PLEKHG2: variants seen among roughly 807,000 people sequenced by gnomAD.
The protein encoded by PLEKHG2 is pleckstrin homology domain-containing family G member 2.
PLEKHG2 carries 71 observed loss-of-function variants against 104.4 expected under a neutral mutation model. The observed-to-expected ratio is 0.68, with a 90% CI of 0.56 to 0.83. PLEKHG2 has a LOEUF of 0.83. Ranked by LOEUF, PLEKHG2 falls within the 40% of genes least tolerant of loss-of-function variation. The probability of loss-of-function intolerance (pLI) is 0.00; values close to 1 mark genes in which losing one functional copy is unlikely to be tolerated. For missense variants in PLEKHG2, 1,730 were observed against 1,809.4 expected, an observed-to-expected ratio of 0.96 and a Z score of 0.80; for synonymous variants, 728 against 737.0, an observed-to-expected ratio of 0.99 and a Z score of 0.20.
In PLEKHG2 at chr19:39,425,395, C is replaced by G; in HGVS notation, c.*101C>G. On this transcript the variant is annotated 3_prime_UTR_variant, in exon 19 of 19. Transcript: ENST00000425673. ...CAGACACTGAACGCAGGCCTCAAAA[C>G]TGCTGCGGCCTTCCAACTCCTGGTA... 6.8e-7 allele frequency: 1 copy of G among 1,467,548 alleles called. No individual in the cohort carries two copies. The highest frequency in any genetic ancestry group is 9.0e-7 in the Non-Finnish European group (1 of 1,111,648). The allele number at this position is 1,467,548 out of a possible 1,614,324, so 90.9% of individuals were successfully genotyped here.
rs757192619 is a variant in PLEKHG2, at chr19:39,418,060, G to A, written c.1038G>A (p.Val346=). 6.5e-7 allele frequency: 1 copy of A among 1,544,964 alleles called. No individual in the cohort carries two copies. Among genetic ancestry groups the A allele is most frequent in the East Asian group, 2.3e-5 (1 of 44,102 alleles). ...TCCTGTTCTCTCGGATGCTGCTGGT[G>A]GCCAAGCGCAGGGGGCTGGAGTACA... is the stretch of plus-strand genomic sequence containing the variant. ...LLFLFSRMLL[V]AKRRGLEYTY... is the part of the protein sequence containing the mutation. The change falls in exon 9 of 19, where the codon GTG becomes GTA. Residue 346 remains valine (V), a synonymous_variant. Transcript: ENST00000425673.
In PLEKHG2 at chr19:39,426,248, C is replaced by T. The variant is rs539766598; in HGVS notation, c.*954C>T. On this transcript the variant is annotated 3_prime_UTR_variant, in exon 19 of 19. Transcript: ENST00000425673. ...GTCTGTCCCACATCTGTCTGATTTC[C>T]CTTGGCATCCTTCCCGTCAGTTCCT... 6.6e-6 allele frequency: 1 copy of T among 152,408 alleles called. No individual in the cohort carries two copies. Among genetic ancestry groups the T allele is most frequent in the Admixed American group, 6.5e-5 (1 of 15,284 alleles). The allele number at this position is 152,408 out of a possible 1,614,324, so 9.4% of individuals were successfully genotyped here. A position where few individuals can be genotyped will look rare whatever the true frequency, so the allele number is the denominator to read the frequency against.
chr19:39,417,806 G>A, intron 8 of PLEKHG2, 99 bp from the exon 9 acceptor site: 1 of 1,500,070 alleles, frequency 6.7e-7, no homozygotes, highest in Admixed American at 2.1e-5. Context: ...GGCTGGGACA[G>A]CATGGCCCTG....
At position 39,423,317 on chromosome 19, in the gene PLEKHG2, T is replaced by G. The variant is rs2078729219; in HGVS notation, c.2263T>G (p.Phe755Val). The change falls in exon 18 of 19, where the codon TTC (phenylalanine) becomes GTC (valine). Residue 755 changes from phenylalanine (F) to valine (V), a missense_variant. Physicochemically the swap from Phe to Val is conservative, Grantham distance 50. Coordinates refer to ENST00000425673, the MANE Select transcript of PLEKHG2 (RefSeq NM_022835.3). Reference protein sequence around the residue: ...QPQDVTQHQGFPDELAFRSCS... With the variant: ...QPQDVTQHQGVPDELAFRSCS... Reference sequence around the variant, plus strand: ...CCAGGATGTCACCCAACATCAGGGATTCCCAGATGAGCTGGCATTCCGCTC... The same window carrying G: ...CCAGGATGTCACCCAACATCAGGGAGTCCCAGATGAGCTGGCATTCCGCTC... 2.5e-6 allele frequency: 4 copies of G among 1,614,058 alleles called. No homozygotes were observed. The highest frequency in any genetic ancestry group is 3.4e-6 in the Non-Finnish European group (4 of 1,179,894).
At position 39,421,076 on chromosome 19, in the gene PLEKHG2, G is replaced by A. The variant is rs774417385; in HGVS notation, c.1449G>A (p.Glu483=). 2 of 1,613,958 alleles carry A rather than the reference G, an allele frequency of 1.2e-6. No individual in the cohort carries two copies. The highest frequency in any genetic ancestry group is 3.3e-5 in the Admixed American group (2 of 60,006). The change falls in exon 15 of 19, where the codon GAG becomes GAA. Residue 483 remains glutamate (E), a splice_region_variant and synonymous_variant. Transcript: ENST00000425673. ...GACATCACTGTGTCCTCCCCGCAGAGCCGGTGAAGGACCCTTATGTCATGT... is the reference window on the plus strand; with the variant it reads ...GACATCACTGTGTCCTCCCCGCAGAACCGGTGAAGGACCCTTATGTCATGT... ...SVIRRGRRQS[E]PVKDPYVMFP...
rs1466547956 is a variant in PLEKHG2, at chr19:39,415,236, C to T, written c.354C>T (p.Val118=). The T allele has an allele frequency of 6.3e-7, 1 of 1,586,346 alleles. No homozygotes were observed. Among genetic ancestry groups the T allele is most frequent in the African/African-American group, 1.3e-5 (1 of 74,208 alleles). Reference sequence around the variant, plus strand: ...TCGTGGAGACAGAACGGGCCTATGTCAGGGACCTCCGCAGCATCGTGGAGG... The same window carrying T: ...TCGTGGAGACAGAACGGGCCTATGTTAGGGACCTCCGCAGCATCGTGGAGG... ...REIVETERAY[V]RDLRSIVEDY... is the part of the protein sequence containing the mutation. Residue 118 remains valine, a synonymous_variant, in exon 3 of 19, where the codon GTC becomes GTT. Coordinates refer to ENST00000425673, the MANE Select transcript of PLEKHG2 (RefSeq NM_022835.3). The surrounding 1 kb of genome is among the most constrained non-coding windows in gnomAD (Gnocchi z 4.6).
rs1228534819 is a variant in PLEKHG2 at position 39,427,263 on chromosome 19, G to T, written c.*1969G>T. The T allele has an allele frequency of 6.6e-6, 1 of 151,708 alleles. No individual in the cohort carries two copies. The highest frequency in any genetic ancestry group is 6.6e-5 in the Admixed American group (1 of 15,196). The allele number at this position is 151,708 out of a possible 1,614,324, so 9.4% of individuals were successfully genotyped here. On this transcript the variant is annotated 3_prime_UTR_variant, in exon 19 of 19. Transcript: ENST00000425673. The stretch of plus-strand genomic sequence containing the variant: ...AGGATGGTCTCGATCTCCTGACCTC[G>T]TGATCCTCCCGCCTCGGCCTCCCAA...
In PLEKHG2 at chr19:39,419,770, G is replaced by A. The variant is rs1045553707; in HGVS notation, c.1263+767G>A. The stretch of plus-strand genomic sequence containing the variant: ...CAGGTGCCCGTAGTCCCAGCTACTC[G>A]GGAGGCTGAGGCAGGAGAATGGCGT... On this transcript the variant is annotated intron_variant, in intron 11 of 18. Coordinates refer to ENST00000425673, the MANE Select transcript of PLEKHG2 (RefSeq NM_022835.3). Among the ~76,000 whole-genome samples, 14 of 152,170 alleles carry A rather than the reference G, an allele frequency of 9.2e-5. No individual in the cohort carries two copies. The East Asian group carries it at 1.7e-3, about 19-fold the overall frequency.
In PLEKHG2 at chr19:39,421,116, C is replaced by G; in HGVS notation, c.1486+3C>G. The G allele has an allele frequency of 6.2e-7, 1 of 1,614,038 alleles. No homozygotes were observed. The highest frequency in any genetic ancestry group is 8.5e-7 in the Non-Finnish European group (1 of 1,180,028). Reference sequence around the variant, plus strand: ...TTATGTCATGTTCCCACAGAACGGTCAGTGACTGCCCCGGTTCAGCCTGGT... The same window carrying G: ...TTATGTCATGTTCCCACAGAACGGTGAGTGACTGCCCCGGTTCAGCCTGGT... On this transcript the variant is annotated splice_donor_region_variant and intron_variant, in intron 15 of 18. Coordinates refer to ENST00000425673, the MANE Select transcript of PLEKHG2 (RefSeq NM_022835.3).
In PLEKHG2 at chr19:39,424,619, T is replaced by G; in HGVS notation, c.3486T>G (p.Thr1162=). The G allele has an allele frequency of 6.2e-7, 1 of 1,614,002 alleles. No homozygotes were observed. Among genetic ancestry groups the G allele is most frequent in the Non-Finnish European group, 8.5e-7 (1 of 1,179,980 alleles). The change falls in exon 19 of 19, where the codon ACT becomes ACG. Residue 1162 remains threonine, a synonymous_variant. Coordinates refer to ENST00000425673, the MANE Select transcript of PLEKHG2 (RefSeq NM_022835.3). ...LTDIWVQALP[T]SPKQGSLPDI... ...ACATCTGGGTCCAAGCCCTCCCAAC[T>G]TCACCCAAGCAGGGAAGCCTCCCAG...
rs147117173 is a variant in PLEKHG2 at position 39,415,872 on chromosome 19, AC to A, written c.479+438del. Among the ~76,000 whole-genome samples, 67 of 152,132 alleles carry A rather than the reference AC, an allele frequency of 4.4e-4. 1 individual carries two copies. In the East Asian group the frequency reaches 0.011, roughly 26 times the overall value. ...CCGAGACAGCGTGAGCATGCGAGTG[AC>A]CCCCTAAGCCTGATTTGCCTGGGAC... On this transcript the variant is annotated intron_variant, in intron 4 of 18. Coordinates refer to ENST00000425673, the MANE Select transcript of PLEKHG2 (RefSeq NM_022835.3). This position sits in a 1 kb window ranked among gnomAD's most constrained non-coding sequence, Gnocchi z 4.6.
At position 39,422,098 on chromosome 19, in the gene PLEKHG2, G is replaced by T; in HGVS notation, c.1504-17G>T. On this transcript the variant is annotated splice_polypyrimidine_tract_variant and intron_variant, in intron 16 of 18. Coordinates refer to ENST00000425673, the MANE Select transcript of PLEKHG2 (RefSeq NM_022835.3). Reference sequence around the variant, plus strand: ...GGAGTCTTGGCTCTTGCCTTCCATTGCTTTCCCTCCTCACAGCACGCTGGC... The same window carrying T: ...GGAGTCTTGGCTCTTGCCTTCCATTTCTTTCCCTCCTCACAGCACGCTGGC... 1 of 1,597,454 alleles carries T rather than the reference G, an allele frequency of 6.3e-7. No individual in the cohort carries two copies. The highest frequency in any genetic ancestry group is 8.5e-7 in the Non-Finnish European group (1 of 1,171,992).
At position 39,428,302 on chromosome 19, in the gene PLEKHG2, C is replaced by G. The variant is rs1292544827; in HGVS notation, c.*3008C>G. 6.6e-6 allele frequency: 1 copy of G among 152,288 alleles called. No homozygotes were observed. The highest frequency in any genetic ancestry group is 2.4e-5 in the African/African-American group (1 of 41,454). 9.4% of individuals were successfully genotyped at this position (152,288 alleles called of 1,614,324 possible). On this transcript the variant is annotated 3_prime_UTR_variant, in exon 19 of 19. Coordinates refer to ENST00000425673, the MANE Select transcript of PLEKHG2 (RefSeq NM_022835.3). ...ACATGAGAGAACACTGCCTTGCCCG[C>G]ATGAGGCTTGTGGCCTGGTACTGTG...
Position 39,415,649 on chromosome 19 carries a change from C to T in PLEKHG2, c.479+210C>T, listed in dbSNP as rs1034530000. On this transcript the variant is annotated intron_variant, in intron 4 of 18. Coordinates refer to ENST00000425673, the MANE Select transcript of PLEKHG2 (RefSeq NM_022835.3). The surrounding 1 kb of genome is among the most constrained non-coding windows in gnomAD (Gnocchi z 4.6). ...GACCCCGAGTGAGGGAGGGGCATAGCGGATGGGAGGACCCCGAGTGAGGGA... is the reference window on the plus strand; with the variant it reads ...GACCCCGAGTGAGGGAGGGGCATAGTGGATGGGAGGACCCCGAGTGAGGGA... 1.3e-5 allele frequency among the ~76,000 whole-genome samples: 2 copies of T among 148,390 alleles called. No homozygotes were observed. The highest frequency in any genetic ancestry group is 2.0e-4 in the East Asian group (1 of 5,030).
chr19:39,416,682 A>T lies in PLEKHG2; in HGVS notation c.593+85A>T. The T allele has an allele frequency of 6.4e-7, 1 of 1,552,320 alleles. No homozygotes were observed. The highest frequency in any genetic ancestry group is 8.9e-7 in the Non-Finnish European group (1 of 1,129,578). ...ACCCGTCACCCTCCCTCTACCCCCG[A>T]CCCATCCAGCACCGACCCCTGCCAG... On this transcript the variant is annotated intron_variant, in intron 6 of 18. Coordinates refer to ENST00000425673, the MANE Select transcript of PLEKHG2 (RefSeq NM_022835.3). The surrounding 1 kb of genome is among the most constrained non-coding windows in gnomAD (Gnocchi z 4.5).
chr19:39,422,117 C>CG lies in PLEKHG2; in HGVS notation c.1507dup (p.Ala503GlyfsTer23). On this transcript the variant is annotated frameshift_variant, in exon 17 of 19. Transcript: ENST00000425673. LOFTEE classifies it high-confidence loss of function. The stretch of plus-strand genomic sequence containing the variant: ...TCCATTGCTTTCCCTCCTCACAGCA[C>CG]GCTGGCAGCGAAGGGGAACTCTACC... The CG allele has an allele frequency of 6.2e-7, 1 of 1,607,770 alleles. No homozygotes were observed. Among genetic ancestry groups the CG allele is most frequent in the Non-Finnish European group, 8.5e-7 (1 of 1,177,156 alleles).
Position 39,422,927 on chromosome 19 carries a change from G to A in PLEKHG2, c.1873G>A (p.Glu625Lys). ...LEGLESSIAAEMPSIPCLTKI... is the reference protein window; with the variant it reads ...LEGLESSIAAKMPSIPCLTKI... ...AGGGCTCGAAAGTTCCATTGCAGCT[G>A]AAATGCCCAGCATTCCCTGCCTTAC... The change falls in exon 18 of 19, where the codon GAA becomes AAA. Residue 625 changes from glutamate (E) to lysine (K), a missense_variant. Physicochemically the swap from Glu to Lys is moderately conservative, Grantham distance 56. Transcript: ENST00000425673. 1 of 1,612,400 alleles carries A rather than the reference G, an allele frequency of 6.2e-7. No individual in the cohort carries two copies. Among genetic ancestry groups the A allele is most frequent in the Middle Eastern group, 1.7e-4 (1 of 6,048 alleles).
At position 39,425,144 on chromosome 19, in the gene PLEKHG2, G is replaced by A. The variant is rs753255489; in HGVS notation, c.4011G>A (p.Thr1337=). 1.5e-5 allele frequency: 24 copies of A among 1,590,876 alleles called. No homozygotes were observed. The highest frequency in any genetic ancestry group is 2.2e-5 in the East Asian group (1 of 44,760). The change falls in exon 19 of 19, where the codon ACG becomes ACA. Residue 1337 remains threonine, a synonymous_variant. Coordinates refer to ENST00000425673, the MANE Select transcript of PLEKHG2 (RefSeq NM_022835.3). ...PPPARRLSYA[T]TVNIHVGGGG... ...CAGCCAGGCGGCTCAGCTATGCCACGACGGTTAACATCCACGTGGGCGGGG... is the reference window on the plus strand; with the variant it reads ...CAGCCAGGCGGCTCAGCTATGCCACAACGGTTAACATCCACGTGGGCGGGG...
rs755381950 is a variant in PLEKHG2 at position 39,425,008 on chromosome 19, G to C, written c.3875G>C (p.Arg1292Pro). The C allele has an allele frequency of 1.3e-5, 21 of 1,608,596 alleles. No individual in the cohort carries two copies. Among genetic ancestry groups the C allele is most frequent in the Non-Finnish European group, 1.7e-5 (20 of 1,176,708 alleles). Residue 1292 changes from arginine to proline, a missense_variant, in exon 19 of 19, where the codon CGG (arginine) becomes CCG (proline). By Grantham distance (103) the Arg-to-Pro change is moderately radical (BLOSUM62 -2). Coordinates refer to ENST00000425673, the MANE Select transcript of PLEKHG2 (RefSeq NM_022835.3). ...TCATATATCAGCCAGAGCCTGGCTCGGCGGCAGGGGCCTGGGGGAGGGGCC... is the reference window on the plus strand; with the variant it reads ...TCATATATCAGCCAGAGCCTGGCTCCGCGGCAGGGGCCTGGGGGAGGGGCC... The part of the protein sequence containing the change: ...AASYISQSLA[R>P]RQGPGGGAPA...
Sources: gnomAD v4.1 joint callset for allele counts (sites outside exome capture counted in the v4.1 genomes callset) on GRCh38, gnomAD v4.1.1 for gene constraint, Gnocchi (gnomAD v3.1) non-coding constraint, MANE v1.5 for transcripts, NCBI Gene and HGNC (gene_info 2026-07-23, HGNC 2026-07-21) for gene names.